PLCH1: variants seen among roughly 807,000 people sequenced by gnomAD.
PLCH1 encodes the protein phospholipase C eta 1.
Under a neutral mutation model 126.7 loss-of-function variants are expected in PLCH1, and 60 were observed. That is an observed-to-expected ratio of 0.47 (90% CI 0.38 to 0.59). PLCH1 has a LOEUF of 0.59. Ranked by LOEUF, PLCH1 falls within the 20% of genes least tolerant of loss-of-function variation. The probability of loss-of-function intolerance (pLI) is 0.00; values close to 1 mark genes in which losing one functional copy is unlikely to be tolerated. For synonymous variants in PLCH1, 719 were observed against 734.9 expected (o/e 0.98, Z 0.35); for missense variants, 1,723 against 2,040.0 (o/e 0.84, Z 2.99).
chr3:155,649,841 G>C (rs191862473), intron 2 of PLCH1, among the ~76,000 whole-genome samples: 4 of 152,122 alleles, frequency 2.6e-5, no homozygotes, highest in Non-Finnish European at 4.4e-5. Context: ...AGCCAGGCGC[G>C]GTGATGGGCG....
chr3:155,533,558 G>C (rs887659607), intron 10 of PLCH1, among the ~76,000 whole-genome samples: 1 of 152,124 alleles, frequency 6.6e-6, no homozygotes, highest in Non-Finnish European at 1.5e-5. Flanking sequence ...AAATAAAAAA[G>C]AAAGAAAAGA....
At chr3:155,676,687 C>G (rs1375750002) in intron 2 of PLCH1, among the ~76,000 whole-genome samples, 1 of 152,178 alleles carries the variant, frequency 6.6e-6, no homozygotes, top group African/African-American at 2.4e-5. Flanking sequence ...AGTGCATATT[C>G]AAAGCGTTGA....
At chr3:155,591,975 TGATTCCAGCCAG>T (rs1732241162) in intron 4 of PLCH1, among the ~76,000 whole-genome samples, 2 of 151,988 alleles carry the variant, frequency 1.3e-5, no homozygotes. Flanking sequence ...TAAAGTGCTG[TGATTCCAGCCAG>T]GAGCCATGCA....
chr3:155,454,969 C>T (rs981031636), intron 21 of PLCH1, among the ~76,000 whole-genome samples: 6 of 152,202 alleles, frequency 3.9e-5, no homozygotes, highest in African/African-American at 1.4e-4. Context: ...AATGCAAGCA[C>T]TTTGGCAAAG....
intron 10 of PLCH1, among the ~76,000 whole-genome samples, chr3:155,544,345 A>T (rs1724871833): frequency 6.6e-6 from 1 of 152,194 alleles, no homozygotes; most frequent in African/African-American, 2.4e-5. Context: ...AACTATCCTA[A>T]ATATATATGC....
At chr3:155,619,511 AAAG>A (rs1338271213) in intron 2 of PLCH1, among the ~76,000 whole-genome samples, 2 of 151,950 alleles carry the variant, frequency 1.3e-5, no homozygotes, top group African/African-American at 4.8e-5. Flanking sequence ...AAAAAAAAAA[AAAG>A]AAGAAAAAGA....
At chr3:155,682,007 G>A (rs1744578813) in intron 2 of PLCH1, among the ~76,000 whole-genome samples, 1 of 152,112 alleles carries the variant, frequency 6.6e-6, no homozygotes, top group Non-Finnish European at 1.5e-5. Context: ...GCTGTCCTGG[G>A]CAATATCTGG....
At chr3:155,583,969 T>C (rs1157733309) in intron 5 of PLCH1, among the ~76,000 whole-genome samples, 2 of 149,120 alleles carry the variant, frequency 1.3e-5, no homozygotes, top group African/African-American at 4.9e-5. Context: ...ATAAAACATA[T>C]GGAAGTGAAA....
intron 10 of PLCH1, among the ~76,000 whole-genome samples, chr3:155,530,277 C>T (rs1722493699): frequency 6.6e-6 from 1 of 151,818 alleles, no homozygotes; most frequent in African/African-American, 2.4e-5. Context: ...TAAGTAATTC[C>T]TCATCTATTT....
intron 10 of PLCH1, among the ~76,000 whole-genome samples, chr3:155,545,477 C>T (rs199912276): frequency 0.18 from 26,820 of 147,208 alleles, 2,945 homozygotes; most frequent in African/African-American, 0.31. Flanking sequence ...GAACTGGTAC[C>T]ATTCCTTCTG....
chr3:155,553,717 T>C (rs1371066335), intron 9 of PLCH1, among the ~76,000 whole-genome samples: 1 of 152,170 alleles, frequency 6.6e-6, no homozygotes, highest in Non-Finnish European at 1.5e-5. Context: ...AGTGTATAGA[T>C]AAGACATCCA....
chr3:155,679,702 T>C (rs1448551101), intron 2 of PLCH1, among the ~76,000 whole-genome samples: 1 of 152,160 alleles, frequency 6.6e-6, no homozygotes, highest in African/African-American at 2.4e-5. Context: ...CTAGGAACCA[T>C]GTCACTTAAT....
At chr3:155,576,410 A>T (rs571624225) in intron 6 of PLCH1, among the ~76,000 whole-genome samples, 1 of 152,326 alleles carries the variant, frequency 6.6e-6, no homozygotes, top group African/African-American at 2.4e-5. Flanking sequence ...TATAAAAGAT[A>T]GTGAGAATTC....
chr3:155,454,975 C>T (rs1712405141), intron 21 of PLCH1, among the ~76,000 whole-genome samples: 1 of 152,108 alleles, frequency 6.6e-6, no homozygotes, highest in African/African-American at 2.4e-5. Context: ...AGCACTTTGG[C>T]AAAGAGGTGA....
At position 155,734,638 on chromosome 3, in the gene PLCH1, G is replaced by A. The variant is rs182275439; in HGVS notation, c.-41+10202C>T. Among the ~76,000 whole-genome samples the A allele has an allele frequency of 2.0e-4, 30 of 151,914 alleles. No homozygotes were observed. In the East Asian group the frequency reaches 5.2e-3, roughly 26 times the overall value. On this transcript the variant is annotated intron_variant, in intron 1 of 22. Transcript: ENST00000460012. The stretch of plus-strand genomic sequence containing the variant: ...CGAAGTTATGGAATCTGACCTAAGT[G>A]TCCATCAGTAGATGAAGGGATAAAG...
At chr3:155,553,157 C>T (rs971619696) in intron 9 of PLCH1, among the ~76,000 whole-genome samples, 1 of 152,152 alleles carries the variant, frequency 6.6e-6, no homozygotes, top group African/African-American at 2.4e-5. Flanking sequence ...CTCTGTCACC[C>T]AGGCTGGAGT....
chr3:155,730,941 C>T (rs1395178004), intron 1 of PLCH1, among the ~76,000 whole-genome samples: 1 of 152,164 alleles, frequency 6.6e-6, no homozygotes, highest in Non-Finnish European at 1.5e-5. Flanking sequence ...AATCCAGAAC[C>T]AAGAGGGCCT....
chr3:155,710,426 A>T (rs893279139), intron 1 of PLCH1, among the ~76,000 whole-genome samples: 1 of 152,268 alleles, frequency 6.6e-6, no homozygotes, highest in Non-Finnish European at 1.5e-5. Context: ...TAATTTTAAT[A>T]AAATCCAGCT....
chr3:155,468,295 C>T (rs934167426), intron 21 of PLCH1, among the ~76,000 whole-genome samples: 1 of 152,012 alleles, frequency 6.6e-6, no homozygotes, highest in Non-Finnish European at 1.5e-5. Context: ...ATCATATCAC[C>T]AGAGAAAATC....
Sources: gnomAD v4.1 joint callset for allele counts (sites outside exome capture counted in the v4.1 genomes callset) on GRCh38, gnomAD v4.1.1 for gene constraint, MANE v1.5 for transcripts, NCBI Gene and HGNC (gene_info 2026-07-23, HGNC 2026-07-21) for gene names.